Variants in WDFY3 observed in about 807,000 individuals in gnomAD.
WDFY3 encodes WD repeat and FYVE domain-containing protein 3.
Under a neutral mutation model 409.6 loss-of-function variants are expected in WDFY3, and 66 were observed. The observed-to-expected ratio is 0.16, with a 90% confidence interval of 0.13 to 0.20. The LOEUF is 0.20. WDFY3 is among the 10% of genes least tolerant of loss of function. The pLI is 1.00. For synonymous variants in WDFY3, 1,521 were observed against 1,537.1 expected (o/e 0.99, Z 0.25); for missense variants, 3,031 against 4,298.1 (o/e 0.71, Z 8.24).
intron 33 of WDFY3, 43 bp downstream of exon 33, chr4:84,756,883 T>C (rs1320745291): frequency 1.3e-6 from 2 of 1,570,654 alleles, no homozygotes; most frequent in Admixed American, 1.7e-5. Context: ...GGTGATTCTT[T>C]GGAATACGTA....
At chr4:84,905,123 G>C (rs1041797083) in intron 2 of WDFY3, among the ~76,000 whole-genome samples, 1 of 152,200 alleles carries the variant, frequency 6.6e-6, no homozygotes, top group African/African-American at 2.4e-5. Context: ...ATCACTTGAG[G>C]TCAGGAGTTC....
rs151159930 is a variant in WDFY3 at position 84,677,377 on chromosome 4, C to G, written c.10279G>C (p.Val3427Leu). ...GISKDHSRIL[V>L]GDSRGRVFSW... ...AAAACTCGGCCTCGACTGTCACCAA[C>G]GAGGATCCTACTGTGATCCCTGCAG... Residue 3427 changes from valine to leucine, a missense_variant, in exon 67 of 68, where the codon GTT becomes CTT. Around this residue, in one of 16 missense-constraint regions of WDFY3, gnomAD observed 378 missense variants for 477.3 expected, o/e 0.79. Transcript: ENST00000295888. 6.2e-7 allele frequency: 1 copy of G among 1,612,836 alleles called. No homozygotes were observed.
At chr4:84,902,186 G>C (rs1022196137) in intron 2 of WDFY3, among the ~76,000 whole-genome samples, 2 of 152,064 alleles carry the variant, frequency 1.3e-5, no homozygotes, top group African/African-American at 4.8e-5. Context: ...ACTATACATG[G>C]TCTGCAATTT....
intron 3 of WDFY3, among the ~76,000 whole-genome samples, chr4:84,873,290 C>G (rs1416166637): frequency 1.3e-5 from 2 of 152,098 alleles, no homozygotes; most frequent in African/African-American, 4.8e-5. Flanking sequence ...ATAAACACAC[C>G]TTCACAAATT....
intron 42 of WDFY3, among the ~76,000 whole-genome samples, chr4:84,735,800 C>T (rs1254581112): frequency 6.6e-6 from 1 of 152,088 alleles, no homozygotes; most frequent in African/African-American, 2.4e-5. Flanking sequence ...TTTAAAAAAC[C>T]ATAGGTATAC....
rs139598072 is a variant in WDFY3 at position 84,712,669 on chromosome 4, C to T, written c.8042+490G>A. Among the ~76,000 whole-genome samples, 814 of 151,886 alleles carry T rather than the reference C, an allele frequency of 5.4e-3. 9 individuals are homozygous for T. The highest frequency in any genetic ancestry group is 0.019 in the African/African-American group (775 of 41,428). On this transcript the variant is annotated intron_variant, in intron 51 of 67. Coordinates refer to ENST00000295888, the MANE Select transcript of WDFY3 (RefSeq NM_014991.6). ...CCCAGGAGGTTGCAGTGAGCCAAGA[C>T]GTGCCATTACACTCCAGCCTGGGTG...
At chr4:84,759,080 T>A (rs996759641) in intron 32 of WDFY3, among the ~76,000 whole-genome samples, 1 of 152,202 alleles carries the variant, frequency 6.6e-6, no homozygotes. Flanking sequence ...CCATTGCTTG[T>A]TTTTCTCAGG....
At chr4:84,738,006 C>T (rs933339666) in intron 40 of WDFY3, among the ~76,000 whole-genome samples, 2 of 152,240 alleles carry the variant, frequency 1.3e-5, no homozygotes, top group Non-Finnish European at 2.9e-5. Context: ...TGAGAACCAA[C>T]GCCACTTCCT....
In WDFY3 at chr4:84,677,333, G is replaced by A; in HGVS notation, c.10323C>T (p.Asp3441=). ...RGRVFSWSVS[D]QPGRSAADHW... ...GATCAGCAGCAGAACGGCCTGGCTG[G>A]TCACTCACAGACCAGCTGAAAACTC... is the stretch of plus-strand genomic sequence containing the variant. Residue 3441 remains aspartate (D), a synonymous_variant, in exon 67 of 68, where the codon GAC becomes GAT. Coordinates refer to ENST00000295888, the MANE Select transcript of WDFY3 (RefSeq NM_014991.6). 1 of 1,614,144 alleles carries A rather than the reference G, an allele frequency of 6.2e-7. No homozygotes were observed. Among genetic ancestry groups the A allele is most frequent in the Non-Finnish European group, 8.5e-7 (1 of 1,180,010 alleles).
rs186341300 is a variant in WDFY3 at position 84,814,863 on chromosome 4, C to T, written c.1887+2529G>A. Among the ~76,000 whole-genome samples, 491 of 152,196 alleles carry T rather than the reference C, an allele frequency of 3.2e-3. 2 individuals carry two copies. Among genetic ancestry groups the T allele is most frequent in the African/African-American group, 0.011 (460 of 41,540 alleles). On this transcript the variant is annotated intron_variant, in intron 13 of 67. Transcript: ENST00000295888. ...TATATATAGCATTCCATACTATCTG[C>T]AGTTTCAGGCATTTCTGGGGGGTCT...
intron 1 of WDFY3, among the ~76,000 whole-genome samples, chr4:84,940,411 G>A (rs1398110477): frequency 4.0e-5 from 6 of 151,638 alleles, no homozygotes; most frequent in African/African-American, 1.2e-4. Context: ...CCCCATTTCC[G>A]TCCTTATTTT....
chr4:84,746,653 T>C (rs570002823), intron 36 of WDFY3, among the ~76,000 whole-genome samples: 9 of 152,222 alleles, frequency 5.9e-5, no homozygotes, highest in African/African-American at 1.9e-4. Flanking sequence ...CTGAGATGTA[T>C]AGCAGTCTAA....
At chr4:84,943,275 G>A (rs1772373460) in intron 1 of WDFY3, among the ~76,000 whole-genome samples, 1 of 152,122 alleles carries the variant, frequency 6.6e-6, no homozygotes, top group Non-Finnish European at 1.5e-5. Context: ...GCCGAGGCGG[G>A]CGGATCACAA....
chr4:84,704,454 A>T lies in WDFY3; in HGVS notation c.8336-10T>A. On this transcript the variant is annotated splice_polypyrimidine_tract_variant and intron_variant, in intron 54 of 67. Coordinates refer to ENST00000295888, the MANE Select transcript of WDFY3 (RefSeq NM_014991.6). Reference sequence around the variant, plus strand: ...TATGCAGGAGTTTCTCCTGTTTAAGAAAATTAAAGCACAATTGAAACCAAA... The same window carrying T: ...TATGCAGGAGTTTCTCCTGTTTAAGTAAATTAAAGCACAATTGAAACCAAA... 6.4e-7 allele frequency: 1 copy of T among 1,568,380 alleles called. No individual in the cohort carries two copies. Among genetic ancestry groups the T allele is most frequent in the Non-Finnish European group, 8.7e-7 (1 of 1,155,506 alleles).
intron 5 of WDFY3, among the ~76,000 whole-genome samples, chr4:84,842,765 AG>A (rs1295865496): frequency 6.6e-6 from 1 of 152,258 alleles, no homozygotes; most frequent in Admixed American, 6.5e-5. Flanking sequence ...TAGGCAACAG[AG>A]CGAGACTCCG....
intron 15 of WDFY3, 127 bp downstream of exon 15, chr4:84,808,190 CAAAACCCCAAAAGTAAA>C: frequency 1.5e-6 from 1 of 657,278 alleles, no homozygotes; most frequent in South Asian, 2.5e-5. Flanking sequence ...AAACACCCCC[CAAAACCCCAAAAGTAAA>C]AACAAAACAA....
intron 65 of WDFY3, 113 bp from the exon 66 acceptor site, chr4:84,678,392 A>G (rs1439534588): frequency 1.4e-6 from 1 of 711,568 alleles, no homozygotes; most frequent in African/African-American, 1.7e-5. Context: ...ATACAGCTAC[A>G]GCAGCTTTTC....
intron 10 of WDFY3, among the ~76,000 whole-genome samples, chr4:84,824,689 A>G (rs1754596317): frequency 6.6e-6 from 1 of 152,170 alleles, no homozygotes; most frequent in South Asian, 2.1e-4. Flanking sequence ...AACCATATCC[A>G]CTTGTCAAAA....
intron 32 of WDFY3, among the ~76,000 whole-genome samples, chr4:84,763,899 G>A (rs1165530048): frequency 6.6e-6 from 1 of 152,134 alleles, no homozygotes; most frequent in African/African-American, 2.4e-5. Flanking sequence ...AAGTGACGCA[G>A]GACAGAAAAA....
Sources: gnomAD v4.1 joint callset for allele counts (sites outside exome capture counted in the v4.1 genomes callset) on GRCh38, gnomAD v4.1.1 for gene constraint, gnomAD v4.1.1 regional missense constraint, MANE v1.5 for transcripts, NCBI Gene and HGNC (gene_info 2026-07-23, HGNC 2026-07-21) for gene names.